Variants in UTRN observed in about 807,000 individuals in gnomAD.
UTRN encodes the protein utrophin.
In UTRN, 283 loss-of-function variants were observed where a neutral mutation model predicts 463.9. The ratio of observed to expected loss-of-function variants is 0.61; its 90% CI spans 0.55 to 0.67. UTRN has a LOEUF of 0.67. Ranked by LOEUF, UTRN falls within the 30% of genes least tolerant of loss-of-function variation. UTRN has a pLI of 0.00. For missense variants in UTRN, 3,922 were observed against 4,084.3 expected, an observed-to-expected ratio of 0.96 and a Z score of 1.08; for synonymous variants, 1,442 against 1,431.5, an observed-to-expected ratio of 1.01 and a Z score of -0.17.
intron 40 of UTRN, 74 bp from the exon 41 acceptor site, chr6:144,522,942 A>T (rs1326718179): frequency 6.2e-6 from 7 of 1,137,884 alleles, no homozygotes; most frequent in Non-Finnish European, 7.4e-6. Context: ...CTACAATATA[A>T]ATATCTGGTC....
At chr6:144,432,908 T>A (rs373246868) in intron 9 of UTRN, among the ~76,000 whole-genome samples, 2,323 of 151,904 alleles carry the variant, frequency 0.015, 63 homozygotes, top group African/African-American at 0.051. Flanking sequence ...TGCTGCCTTC[T>A]AGCATCTGTT....
intron 26 of UTRN, among the ~76,000 whole-genome samples, chr6:144,481,334 G>A (rs1267943849): frequency 6.6e-6 from 1 of 152,148 alleles, no homozygotes; most frequent in African/African-American, 2.4e-5. Context: ...AACCTGATAG[G>A]TTGATTTTCC....
intron 53 of UTRN, 118 bp downstream of exon 53, chr6:144,700,361 C>G: frequency 1.7e-6 from 2 of 1,163,390 alleles, no homozygotes; most frequent in Non-Finnish European, 2.3e-6. Context: ...CCCCCCCCCA[C>G]CACCGTCTGC....
intron 27 of UTRN, 64 bp from the exon 28 acceptor site, chr6:144,485,321 G>A: frequency 1.9e-6 from 3 of 1,592,182 alleles, no homozygotes; most frequent in East Asian, 2.2e-5. Flanking sequence ...AAGAGAATGT[G>A]TAGTACTAGA....
chr6:144,572,043 G>C (rs1800989392), intron 50 of UTRN, among the ~76,000 whole-genome samples: 2 of 152,018 alleles, frequency 1.3e-5, no homozygotes, highest in South Asian at 4.1e-4. Flanking sequence ...GTTTTGGTTT[G>C]GTTTATTTGT....
At chr6:144,448,072 A>G (rs1262622302) in intron 16 of UTRN, among the ~76,000 whole-genome samples, 3 of 152,224 alleles carry the variant, frequency 2.0e-5, no homozygotes, top group Admixed American at 2.0e-4. Context: ...TGAATTAGTC[A>G]AACATAAAAC....
chr6:144,810,747 A>G (rs534426184), intron 65 of UTRN, among the ~76,000 whole-genome samples: 1 of 152,312 alleles, frequency 6.6e-6, no homozygotes, highest in Non-Finnish European at 1.5e-5. Flanking sequence ...CAGCATTTCA[A>G]TTGCAAGGGT....
chr6:144,539,266 A>G (rs756588464), intron 44 of UTRN, 28 bp from the exon 45 acceptor site: 2 of 1,568,146 alleles, frequency 1.3e-6, no homozygotes, highest in African/African-American at 1.4e-5. Flanking sequence ...ACTACCTTCT[A>G]ACCACACCTA....
At chr6:144,526,513 T>C (rs918680124) in intron 41 of UTRN, among the ~76,000 whole-genome samples, 2 of 152,186 alleles carry the variant, frequency 1.3e-5, no homozygotes, top group Admixed American at 1.3e-4. Flanking sequence ...TGCTTGCTTT[T>C]GGTGTCCATT....
At chr6:144,774,412 T>TC (rs750938097) in intron 60 of UTRN, 48 bp downstream of exon 60, 1 of 1,523,530 alleles carries the variant, frequency 6.6e-7, no homozygotes, top group Non-Finnish European at 8.8e-7. Flanking sequence ...GAATTGCGTT[T>TC]TTTTTTTTTC....
chr6:144,490,871 C>T, intron 31 of UTRN, 58 bp from the exon 32 acceptor site: 5 of 1,502,636 alleles, frequency 3.3e-6, no homozygotes, highest in South Asian at 1.4e-5. Flanking sequence ...CTGTTATGCT[C>T]ATGATGAGAG....
chr6:144,393,607 A>G (rs1278698227), intron 2 of UTRN, among the ~76,000 whole-genome samples: 8 of 152,198 alleles, frequency 5.3e-5, no homozygotes, highest in Admixed American at 5.2e-4. Context: ...GAGAATTCCA[A>G]GATGGCGGCC....
intron 63 of UTRN, among the ~76,000 whole-genome samples, chr6:144,797,155 G>T (rs1777296117): frequency 6.6e-6 from 1 of 151,564 alleles, no homozygotes; most frequent in Non-Finnish European, 1.5e-5. Context: ...AATTATCGGT[G>T]AGTCTTTCAC....
intron 55 of UTRN, among the ~76,000 whole-genome samples, chr6:144,749,294 A>G (rs1288373992): frequency 1.3e-5 from 2 of 152,218 alleles, no homozygotes; most frequent in Admixed American, 6.5e-5. Context: ...ATTTTGCTAA[A>G]TATTATTAAA....
At chr6:144,294,377 T>C (rs1370965369) in intron 2 of UTRN, among the ~76,000 whole-genome samples, 3 of 152,236 alleles carry the variant, frequency 2.0e-5, no homozygotes, top group Admixed American at 2.0e-4. Flanking sequence ...AAATGCTTAC[T>C]ATACAGAGGT....
intron 54 of UTRN, among the ~76,000 whole-genome samples, chr6:144,747,261 C>T (rs534667652): frequency 6.6e-6 from 1 of 152,322 alleles, no homozygotes; most frequent in African/African-American, 2.4e-5. Context: ...GTCAATTGCA[C>T]TGCCTCTTTA....
intron 53 of UTRN, among the ~76,000 whole-genome samples, chr6:144,725,161 A>T (rs1787728234): frequency 6.6e-6 from 1 of 152,176 alleles, no homozygotes; most frequent in African/African-American, 2.4e-5. Context: ...TGTTTTTGTG[A>T]TAGGGAATAA....
In UTRN at chr6:144,554,680, AC is replaced by A. The variant is rs753454580; in HGVS notation, c.6929-5del. 1.2e-6 allele frequency: 2 copies of A among 1,613,234 alleles called. No individual in the cohort carries two copies. Among genetic ancestry groups the A allele is most frequent in the Non-Finnish European group, 1.7e-6 (2 of 1,179,808 alleles). On this transcript the variant is annotated splice_region_variant and splice_polypyrimidine_tract_variant and intron_variant, in intron 48 of 74. Coordinates refer to ENST00000367545, the MANE Select transcript of UTRN (RefSeq NM_007124.3). The stretch of plus-strand genomic sequence containing the variant: ...GGATTTTTTTTTCTTTTATAATGCT[AC>A]CCTCAGTGGAAAGGGTCAAGAACCA...
intron 51 of UTRN, among the ~76,000 whole-genome samples, chr6:144,619,774 G>C (rs1029352490): frequency 6.6e-6 from 1 of 151,838 alleles, no homozygotes; most frequent in African/African-American, 2.4e-5. Flanking sequence ...GGAGAGAAGA[G>C]GACTTAAAAA....
Sources: gnomAD v4.1 joint callset for allele counts (sites outside exome capture counted in the v4.1 genomes callset) on GRCh38, gnomAD v4.1.1 for gene constraint, MANE v1.5 for transcripts, NCBI Gene and HGNC (gene_info 2026-07-23, HGNC 2026-07-21) for gene names.